The following DNAAF9 variants were observed in gnomAD, a reference collection of about 807,000 sequenced individuals.
DNAAF9 encodes the protein dynein axonemal assembly factor 9, also known as shulin.
In DNAAF9, 90 loss-of-function variants were observed where a neutral mutation model predicts 167.0. The observed-to-expected ratio is 0.54, with a 90% CI of 0.45 to 0.64. The LOEUF is 0.64. Among genes scored for constraint, DNAAF9 ranks in the 30% least tolerant of loss-of-function variants. The pLI is 0.00. For synonymous variants in DNAAF9, 491 were observed against 508.8 expected (o/e 0.96, Z 0.47); for missense variants, 1,315 against 1,442.2 (o/e 0.91, Z 1.43).
intron 7 of DNAAF9, among the ~76,000 whole-genome samples, chr20:3,354,947 G>T (rs2083264160): frequency 6.6e-6 from 1 of 152,164 alleles, no homozygotes; most frequent in African/African-American, 2.4e-5. Context: ...TGATGTCGCT[G>T]CTGTTCCAGG....
chr20:3,328,437 C>T (rs2069757176), intron 12 of DNAAF9, among the ~76,000 whole-genome samples: 1 of 152,120 alleles, frequency 6.6e-6, no homozygotes, highest in South Asian at 2.1e-4. Context: ...GCCTTGGCCT[C>T]CCAAAGTGCT....
intron 1 of DNAAF9, 97 bp from the exon 2 acceptor site, chr20:3,382,603 A>T (rs2083672902): frequency 1.1e-5 from 10 of 913,836 alleles, no homozygotes; most frequent in Non-Finnish European, 1.8e-5. Flanking sequence ...AGGAAGAGGA[A>T]TGACTTTGCT....
intron 1 of DNAAF9, among the ~76,000 whole-genome samples, chr20:3,393,325 C>T (rs1014432167): frequency 1.3e-5 from 2 of 151,978 alleles, no homozygotes; most frequent in African/African-American, 4.8e-5. Context: ...CCAGCCTGGG[C>T]AACATGGCAA....
intron 33 of DNAAF9, among the ~76,000 whole-genome samples, chr20:3,257,980 T>C (rs143141123): frequency 6.4e-3 from 598 of 93,844 alleles, no homozygotes; most frequent in African/African-American, 0.011. Context: ...CTGCCTGCCT[T>C]GGCCTCCCAA....
At chr20:3,300,289 A>ACTAG (rs35459065) in intron 21 of DNAAF9, among the ~76,000 whole-genome samples, 39,145 of 151,688 alleles carry the variant, frequency 0.26, 5,249 homozygotes, top group East Asian at 0.37. Context: ...GTATTGTCTT[A>ACTAG]ATAGTAAGTC....
At chr20:3,283,964 A>G (rs556946184) in intron 27 of DNAAF9, among the ~76,000 whole-genome samples, 3 of 152,176 alleles carry the variant, frequency 2.0e-5, no homozygotes, top group South Asian at 2.1e-4. Flanking sequence ...AGGTTAGAGT[A>G]AAAAACAGGC....
At chr20:3,377,451 T>TA (rs1439832328) in intron 3 of DNAAF9, among the ~76,000 whole-genome samples, 7 of 151,900 alleles carry the variant, frequency 4.6e-5, no homozygotes, top group Non-Finnish European at 1.0e-4. Flanking sequence ...TGGTTGGTCT[T>TA]AAGATCTGTT....
At chr20:3,313,997 G>A (rs545081545) in intron 20 of DNAAF9, among the ~76,000 whole-genome samples, 3 of 152,290 alleles carry the variant, frequency 2.0e-5, no homozygotes, top group Admixed American at 1.3e-4. Context: ...ATGGGCTGGT[G>A]ACTCCTTTTT....
At chr20:3,269,740 G>A (rs2122802069) in intron 30 of DNAAF9, among the ~76,000 whole-genome samples, 1 of 152,132 alleles carries the variant, frequency 6.6e-6, no homozygotes, top group East Asian at 1.9e-4. Context: ...GGAACACAAG[G>A]TCAGGAGATT....
intron 20 of DNAAF9, among the ~76,000 whole-genome samples, chr20:3,312,424 TA>T (rs1007697332): frequency 3.6e-3 from 525 of 144,930 alleles, no homozygotes; most frequent in Middle Eastern, 7.0e-3. Context: ...GAGGGGGCTT[TA>T]AAAAAAAAAA....
chr20:3,304,372 T>C lies in DNAAF9; in HGVS notation c.1782+68A>G, dbSNP rs147641677. ...GTAGTGGAGGGGAGAAAGGAGTTATTTAGTTTTCCCCTCAAAAGTGTGAGC... is the reference window on the plus strand; with the variant it reads ...GTAGTGGAGGGGAGAAAGGAGTTATCTAGTTTTCCCCTCAAAAGTGTGAGC... On this transcript the variant is annotated intron_variant, in intron 21 of 36. Transcript: ENST00000252032. 295 of 786,802 alleles carry C rather than the reference T, an allele frequency of 3.7e-4. No individual in the cohort carries two copies. In the African/African-American group the frequency reaches 4.3e-3, roughly 11 times the overall value. 48.7% of individuals were successfully genotyped at this position (786,802 alleles called of 1,614,324 possible). A position where few individuals can be genotyped will look rare whatever the true frequency, so the allele number is the denominator to read the frequency against.
intron 31 of DNAAF9, 46 bp downstream of exon 31, chr20:3,264,392 T>G (rs1463403809): frequency 2.3e-6 from 2 of 853,706 alleles, no homozygotes; most frequent in Non-Finnish European, 4.0e-6. Context: ...AATAAATCAT[T>G]GGGTTTACAA....
chr20:3,259,700 C>A, intron 32 of DNAAF9, 146 bp from the exon 33 acceptor site: 1 of 720,468 alleles, frequency 1.4e-6, no homozygotes, highest in African/African-American at 1.7e-5. Context: ...CCCTGTTGCT[C>A]CCCTGTGGCT....
At chr20:3,401,268 C>T (rs1370144013) in intron 1 of DNAAF9, among the ~76,000 whole-genome samples, 9 of 151,946 alleles carry the variant, frequency 5.9e-5, no homozygotes, top group African/African-American at 1.5e-4. Context: ...TGCAGTGGCG[C>T]GATCTCAGCT....
intron 20 of DNAAF9, chr20:3,306,850 C>T: frequency 1.0e-6 from 1 of 961,280 alleles, no homozygotes; most frequent in Non-Finnish European, 1.2e-6. Context: ...AACCACAACC[C>T]CACCAACTCC....
At chr20:3,374,198 A>C (rs1345119365) in intron 5 of DNAAF9, 44 bp from the exon 6 acceptor site, 1 of 1,352,544 alleles carries the variant, frequency 7.4e-7, no homozygotes, top group East Asian at 2.3e-5. Context: ...TACCATCCTG[A>C]ATATAACAGT....
chr20:3,276,782 T>C (rs373887876), intron 29 of DNAAF9, among the ~76,000 whole-genome samples: 1 of 152,158 alleles, frequency 6.6e-6, no homozygotes, highest in South Asian at 2.1e-4. Flanking sequence ...CTCCAGCATT[T>C]ACAAGAACAA....
chr20:3,303,739 G>A (rs1466201365), intron 21 of DNAAF9, among the ~76,000 whole-genome samples: 2 of 152,268 alleles, frequency 1.3e-5, no homozygotes, highest in African/African-American at 2.4e-5. Context: ...AGACCAGGCA[G>A]AGTGGTGGGC....
chr20:3,304,457 T>G lies in DNAAF9; in HGVS notation c.1765A>C (p.Ile589Leu), dbSNP rs375517958. ...IIISKDHMNS[I>L]SFYDGDSTST... The stretch of plus-strand genomic sequence containing the variant: ...ACACCTACCCCATCATAGAAGGAAA[T>G]GGAATTCATGTGATCCTTGGAAATG... Residue 589 changes from isoleucine (I) to leucine (L), a missense_variant, in exon 21 of 37, where the codon ATT becomes CTT. Ile to Leu is a conservative substitution (Grantham distance 5). Around this residue, in one of 2 missense-constraint regions of DNAAF9, gnomAD observed 981 missense variants for 1,012.5 expected, o/e 0.97. Coordinates refer to ENST00000252032, the MANE Select transcript of DNAAF9 (RefSeq NM_001009984.3). The G allele has an allele frequency of 1.4e-6, 2 of 1,468,040 alleles. No individual in the cohort carries two copies. The highest frequency in any genetic ancestry group is 3.4e-5 in the Admixed American group (2 of 59,608). The allele number at this position is 1,468,040 out of a possible 1,614,324, so 90.9% of individuals were successfully genotyped here.
Sources: allele counts gnomAD v4.1 joint callset (sites outside exome capture counted in the v4.1 genomes callset), GRCh38; gene constraint gnomAD v4.1.1; regional missense constraint gnomAD v4.1.1; transcripts MANE v1.5; gene names NCBI Gene and HGNC (gene_info 2026-07-23, HGNC 2026-07-21).